The following PCSK2 variants were observed in gnomAD, a reference collection of about 807,000 sequenced individuals.
PCSK2 encodes the protein neuroendocrine convertase 2.
In PCSK2, 14 loss-of-function variants were observed where a neutral mutation model predicts 69.7. The observed-to-expected ratio is 0.20, with a 90% CI of 0.13 to 0.31. PCSK2 has a LOEUF of 0.31. PCSK2 is among the 10% of genes least tolerant of loss of function. PCSK2 has a pLI of 1.00. For missense variants in PCSK2, 544 were observed against 842.5 expected, an observed-to-expected ratio of 0.65 and a Z score of 4.39; for synonymous variants, 307 against 320.7, an observed-to-expected ratio of 0.96 and a Z score of 0.46.
rs201807095 is a variant in PCSK2 at position 17,482,097 on chromosome 20, C to A, written c.*27C>A. The A allele has an allele frequency of 7.2e-6, 11 of 1,527,982 alleles. No individual in the cohort carries two copies. The highest frequency in any genetic ancestry group is 2.0e-5 in the Admixed American group (1 of 49,974). The allele number at this position is 1,527,982 out of a possible 1,614,324, so 94.7% of individuals were successfully genotyped here. A position where few individuals can be genotyped will look rare whatever the true frequency, so the allele number is the denominator to read the frequency against. ...GCTGCACATCCGCCTTTCCCACCGC[C>A]CTCCCTCCCCAGCTCCGCCTCTGTC... On this transcript the variant is annotated 3_prime_UTR_variant, in exon 12 of 12. Coordinates refer to ENST00000262545, the MANE Select transcript of PCSK2 (RefSeq NM_002594.5).
At chr20:17,281,750 A>G (rs751294203) in intron 2 of PCSK2, among the ~76,000 whole-genome samples, 33 of 152,164 alleles carry the variant, frequency 2.2e-4, no homozygotes, top group Non-Finnish European at 4.7e-4. Context: ...CAGCCTATGC[A>G]GCAAGCCAGG....
chr20:17,454,733 A>C (rs1334582039), intron 9 of PCSK2, among the ~76,000 whole-genome samples: 1 of 152,172 alleles, frequency 6.6e-6, no homozygotes. Flanking sequence ...GTAGTCATGC[A>C]TGAATTATAT....
At chr20:17,369,797 G>A (rs1376165198) in intron 5 of PCSK2, among the ~76,000 whole-genome samples, 1 of 152,224 alleles carries the variant, frequency 6.6e-6, no homozygotes, top group South Asian at 2.1e-4. Flanking sequence ...TGAGCCATTT[G>A]GGTTCTTGTT....
chr20:17,386,145 C>G (rs1418650685), intron 5 of PCSK2, among the ~76,000 whole-genome samples: 1 of 152,108 alleles, frequency 6.6e-6, no homozygotes, highest in Non-Finnish European at 1.5e-5. Flanking sequence ...TTTAACTAGG[C>G]TCTCCTAATA....
chr20:17,405,485 A>G (rs2031731976), intron 5 of PCSK2, among the ~76,000 whole-genome samples: 1 of 152,248 alleles, frequency 6.6e-6, no homozygotes, highest in Non-Finnish European at 1.5e-5. Flanking sequence ...ATCACCAGCC[A>G]TTCAGATAGA....
At position 17,273,963 on chromosome 20, in the gene PCSK2, G is replaced by C. The variant is rs188967070; in HGVS notation, c.282+13619G>C. 9.9e-5 allele frequency among the ~76,000 whole-genome samples: 15 copies of C among 152,236 alleles called. No individual in the cohort carries two copies. In the East Asian group the frequency reaches 2.9e-3, roughly 29 times the overall value. On this transcript the variant is annotated intron_variant, in intron 2 of 11. Transcript: ENST00000262545. ...CTTGTAAATGCCTCAGCTTGAAAAT[G>C]TTACATATCACTCTGCTCACCACCC...
At chr20:17,393,084 T>A (rs1289817590) in intron 5 of PCSK2, among the ~76,000 whole-genome samples, 1 of 152,144 alleles carries the variant, frequency 6.6e-6, no homozygotes, top group Non-Finnish European at 1.5e-5. Flanking sequence ...CCTTGGTCTG[T>A]GAGTAAATGT....
rs1332033706 is a variant in PCSK2 at position 17,317,402 on chromosome 20, A to G, written c.283-40925A>G. On this transcript the variant is annotated intron_variant, in intron 2 of 11. Coordinates refer to ENST00000262545, the MANE Select transcript of PCSK2 (RefSeq NM_002594.5). ...ATTATCCAAAGCTCCTTCCAGACCC[A>G]GTTGACCCATCTTTTCTTTCCTTTT... Among the ~76,000 whole-genome samples, 3 of 152,236 alleles carry G rather than the reference A, an allele frequency of 2.0e-5. No homozygotes were observed. In the East Asian group the frequency reaches 5.8e-4, roughly 29 times the overall value.
chr20:17,394,993 A>G (rs2031477121), intron 5 of PCSK2, among the ~76,000 whole-genome samples: 1 of 152,232 alleles, frequency 6.6e-6, no homozygotes, highest in African/African-American at 2.4e-5. Context: ...AGCTGGGAAC[A>G]TAAACTTGGT....
chr20:17,260,000 G>C (rs1374026470), intron 1 of PCSK2, among the ~76,000 whole-genome samples: 1 of 152,118 alleles, frequency 6.6e-6, no homozygotes, highest in East Asian at 1.9e-4. Flanking sequence ...ATGGGGGAAA[G>C]AATAGAAGGT....
intron 2 of PCSK2, among the ~76,000 whole-genome samples, chr20:17,330,194 A>C (rs1363071654): frequency 6.6e-6 from 1 of 152,208 alleles, no homozygotes; most frequent in African/African-American, 2.4e-5. Flanking sequence ...CAGACTGCCA[A>C]GTTTCAAGTA....
chr20:17,369,883 TTATC>T (rs1339867819), intron 5 of PCSK2, among the ~76,000 whole-genome samples: 1 of 152,184 alleles, frequency 6.6e-6, no homozygotes, highest in African/African-American at 2.4e-5. Context: ...AGTAAGAGCG[TTATC>T]TTTTTTGATT....
intron 8 of PCSK2, among the ~76,000 whole-genome samples, chr20:17,439,566 T>C (rs2032555215): frequency 6.6e-6 from 1 of 152,196 alleles, no homozygotes; most frequent in Non-Finnish European, 1.5e-5. Context: ...AAAGAATTGA[T>C]GAAATGAGCT....
At chr20:17,283,830 C>T in intron 2 of PCSK2, among the ~76,000 whole-genome samples, 1 of 152,184 alleles carries the variant, frequency 6.6e-6, no homozygotes, top group East Asian at 1.9e-4. Context: ...AGCATGTTTG[C>T]TCAGCCCCAC....
At chr20:17,433,105 A>T (rs1475882720) in intron 7 of PCSK2, among the ~76,000 whole-genome samples, 2 of 152,174 alleles carry the variant, frequency 1.3e-5, no homozygotes, top group African/African-American at 4.8e-5. Context: ...AAACCAAAGC[A>T]CACAGATTTA....
chr20:17,475,163 G>A (rs1238108871), intron 11 of PCSK2, among the ~76,000 whole-genome samples: 1 of 151,910 alleles, frequency 6.6e-6, no homozygotes, highest in Non-Finnish European at 1.5e-5. Context: ...GGGGGCTTTG[G>A]AGCATCAACG....
rs201837674 is a variant in PCSK2, at chr20:17,347,958, A to G, written c.283-10369A>G. 4.8e-4 allele frequency among the ~76,000 whole-genome samples: 23 copies of G among 48,196 alleles called. 3 individuals carry two copies. The highest frequency in any genetic ancestry group is 1.3e-3 in the African/African-American group (20 of 15,580). The allele number at this position is 48,196 out of a possible 152,430, so 31.6% of individuals were successfully genotyped here. A position where few individuals can be genotyped will look rare whatever the true frequency, so the allele number is the denominator to read the frequency against. ...AGAGAAAGAAAGAAAGAAAGAAAGA[A>G]AGAGAAAGAAAGAAAGAAAGAAAGA... On this transcript the variant is annotated intron_variant, in intron 2 of 11. Transcript: ENST00000262545.
At chr20:17,335,434 T>TGTGTGTGTGTGTGC (rs1990321961) in intron 2 of PCSK2, among the ~76,000 whole-genome samples, 1 of 151,394 alleles carries the variant, frequency 6.6e-6, no homozygotes, top group Admixed American at 6.6e-5. Context: ...ACTTTGTGTG[T>TGTGTGTGTGTGTGC]GTGTGTGTGT....
At chr20:17,412,029 C>G (rs1336593186) in intron 6 of PCSK2, among the ~76,000 whole-genome samples, 2 of 152,156 alleles carry the variant, frequency 1.3e-5, no homozygotes, top group Admixed American at 6.5e-5. Context: ...TTGTAGATCA[C>G]CAACATCAAA....
Sources: allele counts gnomAD v4.1 joint callset (sites outside exome capture counted in the v4.1 genomes callset), GRCh38; gene constraint gnomAD v4.1.1; transcripts MANE v1.5; gene names NCBI Gene and HGNC (gene_info 2026-07-23, HGNC 2026-07-21).